The following PARD3B variants were observed in gnomAD, a reference collection of about 807,000 sequenced individuals.
The protein encoded by PARD3B is par-3 family cell polarity regulator beta.
PARD3B carries 103 observed loss-of-function variants against 130.2 expected under a neutral mutation model. The observed-to-expected ratio is 0.79, with a 90% CI of 0.67 to 0.93. The LOEUF is 0.93. Among genes scored for constraint, PARD3B ranks in the 40% least tolerant of loss-of-function variants. The probability of loss-of-function intolerance (pLI) is 0.00; values close to 1 mark genes in which losing one functional copy is unlikely to be tolerated. For synonymous variants in PARD3B, 583 were observed against 553.2 expected (o/e 1.05, Z -0.76); for missense variants, 1,609 against 1,499.2 (o/e 1.07, Z -1.21).
intron 9 of PARD3B, 135 bp downstream of exon 9, chr2:205,124,601 T>G: frequency 1.6e-6 from 1 of 626,290 alleles, no homozygotes; most frequent in Non-Finnish European, 2.2e-6. Flanking sequence ...TTATTACTTA[T>G]AGACAAGATA....
At chr2:205,374,212 A>T (rs1253583862) in intron 18 of PARD3B, among the ~76,000 whole-genome samples, 1 of 151,930 alleles carries the variant, frequency 6.6e-6, no homozygotes, top group East Asian at 1.9e-4. Flanking sequence ...CTTCTTCATA[A>T]TCCCATACAA....
At chr2:205,499,182 T>C (rs2106339489) in intron 20 of PARD3B, among the ~76,000 whole-genome samples, 1 of 152,032 alleles carries the variant, frequency 6.6e-6, no homozygotes, top group East Asian at 1.9e-4. Context: ...ACAAGGGAGG[T>C]GCTAGCTGAG....
At chr2:205,493,794 G>A (rs1484211491) in intron 20 of PARD3B, among the ~76,000 whole-genome samples, 1 of 151,396 alleles carries the variant, frequency 6.6e-6, no homozygotes, top group East Asian at 1.9e-4. Flanking sequence ...GTCTTGCTCT[G>A]TTGCCCAGCC....
At chr2:205,245,226 T>C (rs2039519970) in intron 15 of PARD3B, among the ~76,000 whole-genome samples, 1 of 152,218 alleles carries the variant, frequency 6.6e-6, no homozygotes, top group South Asian at 2.1e-4. Context: ...TCATTTGTTT[T>C]CCATCTCTTG....
At chr2:205,223,415 T>A (rs555709832) in intron 15 of PARD3B, among the ~76,000 whole-genome samples, 11 of 152,164 alleles carry the variant, frequency 7.2e-5, no homozygotes, top group Non-Finnish European at 1.2e-4. Flanking sequence ...TGGAGGCAAT[T>A]GCAAAAATTC....
At chr2:205,285,639 C>T (rs1011863378) in intron 16 of PARD3B, among the ~76,000 whole-genome samples, 7 of 152,086 alleles carry the variant, frequency 4.6e-5, no homozygotes, top group Non-Finnish European at 1.0e-4. Context: ...CTTGGCAGGC[C>T]GATGTTCTCC....
At chr2:204,635,011 G>A (rs892113837) in intron 1 of PARD3B, among the ~76,000 whole-genome samples, 10 of 152,124 alleles carry the variant, frequency 6.6e-5, no homozygotes, top group African/African-American at 2.4e-4. Flanking sequence ...AATATAGGTT[G>A]ATTTCCCAGA....
chr2:205,434,409 G>A (rs976695866), intron 19 of PARD3B, among the ~76,000 whole-genome samples: 3 of 152,062 alleles, frequency 2.0e-5, no homozygotes, highest in Non-Finnish European at 2.9e-5. Flanking sequence ...CCAAATATTA[G>A]CAGGAAGAAC....
intron 15 of PARD3B, among the ~76,000 whole-genome samples, chr2:205,220,883 G>C (rs552536767): frequency 4.9e-4 from 74 of 152,112 alleles, no homozygotes; most frequent in Non-Finnish European, 2.8e-4. Flanking sequence ...CTTGTGGTGA[G>C]GCTGGATTGG....
At chr2:205,009,563 C>T (rs1224402174) in intron 3 of PARD3B, among the ~76,000 whole-genome samples, 5 of 151,480 alleles carry the variant, frequency 3.3e-5, no homozygotes, top group African/African-American at 9.7e-5. Flanking sequence ...CCCAGCTTCT[C>T]GGGAGGCTGA....
intron 11 of PARD3B, among the ~76,000 whole-genome samples, chr2:205,167,392 C>A (rs13397179): frequency 0.12 from 18,152 of 151,888 alleles, 1,181 homozygotes; most frequent in Non-Finnish European, 0.12. Context: ...AAATGAGTAT[C>A]TGTAGCTTTT....
chr2:205,079,761 A>G (rs1463054892), intron 4 of PARD3B, among the ~76,000 whole-genome samples: 1 of 152,104 alleles, frequency 6.6e-6, no homozygotes, highest in Non-Finnish European at 1.5e-5. Flanking sequence ...CCATAAATTT[A>G]TATCTTAACC....
At chr2:204,744,175 T>G (rs1480108835) in intron 2 of PARD3B, among the ~76,000 whole-genome samples, 3 of 152,190 alleles carry the variant, frequency 2.0e-5, no homozygotes, top group Admixed American at 6.6e-5. Flanking sequence ...TGATTAAGCC[T>G]GACTGAATTA....
intron 2 of PARD3B, among the ~76,000 whole-genome samples, chr2:204,856,457 G>A (rs1028619907): frequency 1.3e-5 from 2 of 151,988 alleles, no homozygotes; most frequent in Admixed American, 6.6e-5. Flanking sequence ...TCAGATGGAC[G>A]GTTTGCAAAT....
At position 205,091,891 on chromosome 2, in the gene PARD3B, A is replaced by G. The variant is rs895833310; in HGVS notation, c.505-12535A>G. ...TCTCCAGTGCTTAGCACTGGAGCAA[A>G]GGGGACCCTCAATAAGGACTTGTGA... On this transcript the variant is annotated intron_variant, in intron 4 of 22. Transcript: ENST00000406610. The surrounding 1 kb of genome is among the most constrained non-coding windows in gnomAD (Gnocchi z 4.2). Among the ~76,000 whole-genome samples the G allele has an allele frequency of 1.3e-5, 2 of 152,146 alleles. No individual in the cohort carries two copies. The highest frequency in any genetic ancestry group is 4.8e-5 in the African/African-American group (2 of 41,440).
intron 3 of PARD3B, among the ~76,000 whole-genome samples, chr2:204,968,714 G>C (rs1282675989): frequency 6.6e-6 from 1 of 152,076 alleles, no homozygotes; most frequent in Non-Finnish European, 1.5e-5. Flanking sequence ...ATGAAGCCTT[G>C]TCCAAATCTT....
chr2:204,628,120 T>G (rs1226591084), intron 1 of PARD3B, among the ~76,000 whole-genome samples: 2 of 152,044 alleles, frequency 1.3e-5, no homozygotes, highest in Non-Finnish European at 2.9e-5. Context: ...GATCTTTGTG[T>G]ATATGTTTAA....
intron 21 of PARD3B, among the ~76,000 whole-genome samples, chr2:205,517,655 C>A (rs145385988): frequency 1.2e-3 from 181 of 152,144 alleles, no homozygotes; most frequent in African/African-American, 4.2e-3. Context: ...TTCTCTGATT[C>A]TTTCAGTTGT....
At chr2:204,704,548 A>G (rs1208645568) in intron 2 of PARD3B, among the ~76,000 whole-genome samples, 1 of 152,218 alleles carries the variant, frequency 6.6e-6, no homozygotes, top group Non-Finnish European at 1.5e-5. Flanking sequence ...GGAAAATAAA[A>G]TATGGTATTT....
Sources: allele counts gnomAD v4.1 joint callset (sites outside exome capture counted in the v4.1 genomes callset), GRCh38; gene constraint gnomAD v4.1.1; non-coding constraint Gnocchi (gnomAD v3.1); transcripts MANE v1.5; gene names NCBI Gene and HGNC (gene_info 2026-07-23, HGNC 2026-07-21).